HAT1: variants seen among roughly 807,000 people sequenced by gnomAD.
HAT1 encodes the protein histone acetyltransferase type B catalytic subunit.
Under a neutral mutation model 56.6 loss-of-function variants are expected in HAT1, and 20 were observed. The ratio of observed to expected loss-of-function variants is 0.35; its 90% CI spans 0.25 to 0.51. The LOEUF is 0.51. HAT1 is among the 20% of genes least tolerant of loss of function. The pLI, the probability that HAT1 is intolerant of heterozygous loss-of-function variation, is 0.95. For synonymous variants in HAT1, 146 were observed against 165.5 expected, an observed-to-expected ratio of 0.88 and a Z score of 0.91; for missense variants, 408 against 504.3, an observed-to-expected ratio of 0.81 and a Z score of 1.83.
chr2:171,944,925 G>A lies in HAT1; in HGVS notation c.113-1783G>A, dbSNP rs149431054. On this transcript the variant is annotated intron_variant, in intron 2 of 10. Coordinates refer to ENST00000264108, the MANE Select transcript of HAT1 (RefSeq NM_003642.4). ...CTCGCTCGATCACCCAGGCTGGAGC[G>A]CAGTGGCACAATCTCAGCTCAATGC... Among the ~76,000 whole-genome samples the A allele has an allele frequency of 3.9e-4, 59 of 152,210 alleles. 3 individuals are homozygous for A. Among genetic ancestry groups the A allele is most frequent in the African/African-American group, 1.4e-3 (58 of 41,528 alleles).
chr2:171,956,035 ACT>A (rs1462778652), intron 4 of HAT1, among the ~76,000 whole-genome samples: 1 of 151,322 alleles, frequency 6.6e-6, no homozygotes, highest in Non-Finnish European at 1.5e-5. Context: ...ACAGAGCGAG[ACT>A]CTGTCTCAAA....
Position 171,924,931 on chromosome 2 carries a change from A to G in HAT1, c.8-606A>G, listed in dbSNP as rs578142853. ...ACTTAGGTATAAATCCTAGCAGGTA[A>G]TTTGTATTAGTACATGTTCAGAAAT... On this transcript the variant is annotated intron_variant, in intron 1 of 10. Transcript: ENST00000264108. The G allele has an allele frequency of 2.0e-5, 3 of 152,282 alleles. No individual in the cohort carries two copies. The East Asian group carries it at 5.8e-4, about 29-fold the overall frequency. 9.4% of individuals were successfully genotyped at this position (152,282 alleles called of 1,614,324 possible). A position where few individuals can be genotyped will look rare whatever the true frequency, so the allele number is the denominator to read the frequency against.
intron 2 of HAT1, among the ~76,000 whole-genome samples, chr2:171,926,376 C>T (rs1400268716): frequency 1.3e-5 from 2 of 152,234 alleles, no homozygotes. Flanking sequence ...TCACTGCAAC[C>T]TCCACCTCCT....
chr2:171,969,702 C>T (rs1209350155), intron 8 of HAT1, among the ~76,000 whole-genome samples: 1 of 152,128 alleles, frequency 6.6e-6, no homozygotes, highest in Non-Finnish European at 1.5e-5. Context: ...TATTATCAGT[C>T]ATAATGGCTT....
At chr2:171,934,267 G>T (rs1686812066) in intron 2 of HAT1, among the ~76,000 whole-genome samples, 1 of 152,190 alleles carries the variant, frequency 6.6e-6, no homozygotes, top group African/African-American at 2.4e-5. Flanking sequence ...ATCAGAGAAG[G>T]GGGAAATAAT....
chr2:171,969,827 C>T (rs1687770918), intron 8 of HAT1, among the ~76,000 whole-genome samples: 2 of 152,008 alleles, frequency 1.3e-5, no homozygotes, highest in African/African-American at 4.8e-5. Flanking sequence ...ATACCTATTT[C>T]CTAAACTTTT....
intron 4 of HAT1, among the ~76,000 whole-genome samples, chr2:171,961,891 GTT>G (rs61586009): frequency 9.0e-4 from 128 of 141,730 alleles, no homozygotes; most frequent in African/African-American, 3.0e-3. Flanking sequence ...TCTTTTGCTT[GTT>G]TTTTTTTTTT....
At position 171,966,965 on chromosome 2, in the gene HAT1, T is replaced by C. The variant is rs902623729; in HGVS notation, c.823+16T>C. 24 of 1,057,356 alleles carry C rather than the reference T, an allele frequency of 2.3e-5. No homozygotes were observed. The highest frequency in any genetic ancestry group is 3.2e-5 in the Non-Finnish European group (22 of 690,196). 65.5% of individuals were successfully genotyped at this position (1,057,356 alleles called of 1,614,324 possible). On this transcript the variant is annotated intron_variant, in intron 8 of 10. Coordinates refer to ENST00000264108, the MANE Select transcript of HAT1 (RefSeq NM_003642.4). ...GATATTACAGGTATGTAAAATTTGA[T>C]TTGTTACTGAAAGAGCCTTTCTAAA...
rs183469854 is a variant in HAT1 at position 171,963,794 on chromosome 2, G to A, written c.310-1544G>A. Among the ~76,000 whole-genome samples the A allele has an allele frequency of 4.5e-4, 69 of 152,126 alleles. No homozygotes were observed. In the South Asian group the frequency reaches 5.0e-3, roughly 11 times the overall value. ...AATATGCTTACGATGGCCTCTTCAT[G>A]TTAGCAATTTCAAGGAAAAATATTT... is the stretch of plus-strand genomic sequence containing the variant. On this transcript the variant is annotated intron_variant, in intron 4 of 10. Coordinates refer to ENST00000264108, the MANE Select transcript of HAT1 (RefSeq NM_003642.4).
chr2:171,952,142 A>G (rs1346791378), intron 3 of HAT1, among the ~76,000 whole-genome samples: 1 of 152,206 alleles, frequency 6.6e-6, no homozygotes, highest in African/African-American at 2.4e-5. Flanking sequence ...AACACAGTCA[A>G]TTTTGGAACA....
intron 9 of HAT1, among the ~76,000 whole-genome samples, chr2:171,977,207 T>G (rs1224045272): frequency 6.8e-6 from 1 of 147,614 alleles, no homozygotes; most frequent in African/African-American, 2.5e-5. Context: ...CCGGGCGAGG[T>G]GGCTCACGCC....
At chr2:171,932,103 G>A (rs888488972) in intron 2 of HAT1, among the ~76,000 whole-genome samples, 8 of 152,232 alleles carry the variant, frequency 5.3e-5, no homozygotes, top group Admixed American at 3.3e-4. Context: ...TTCTGATAAT[G>A]TGGTGAATTA....
At chr2:171,956,066 C>T (rs561126581) in intron 4 of HAT1, among the ~76,000 whole-genome samples, 2 of 148,988 alleles carry the variant, frequency 1.3e-5, no homozygotes, top group East Asian at 2.0e-4. Context: ...GCCTCTGCTA[C>T]TGAGGAGAAT....
chr2:171,974,210 A>AAAAAAAAAAAAAAAAAAAAAATAAAAAG (rs1687905080), intron 8 of HAT1, among the ~76,000 whole-genome samples: 1 of 72,694 alleles, frequency 1.4e-5, no homozygotes, highest in African/African-American at 4.0e-5. Flanking sequence ...AGAAAAAGAA[A>AAAAAAAAAAAAAAAAAAAAAATAAAAAG]AAAAAAAAAA....
At chr2:171,942,628 A>G (rs1355256378) in intron 2 of HAT1, among the ~76,000 whole-genome samples, 2 of 152,148 alleles carry the variant, frequency 1.3e-5, no homozygotes, top group African/African-American at 2.4e-5. Context: ...CCTTATAAAG[A>G]CTTGAAAATA....
chr2:171,976,149 T>G lies in HAT1; in HGVS notation c.824-8T>G, dbSNP rs1379582888. ...AAATGTTAATATTATTCTGCTTTAT[T>G]TATTTAGCGGAAGATCCATCCAAAA... On this transcript the variant is annotated splice_polypyrimidine_tract_variant and splice_region_variant and intron_variant, in intron 8 of 10. Transcript: ENST00000264108. The G allele has an allele frequency of 5.5e-6, 8 of 1,457,548 alleles. No homozygotes were observed. Among genetic ancestry groups the G allele is most frequent in the Middle Eastern group, 3.5e-4 (2 of 5,690 alleles). The allele number at this position is 1,457,548 out of a possible 1,614,324, so 90.3% of individuals were successfully genotyped here. A position where few individuals can be genotyped will look rare whatever the true frequency, so the allele number is the denominator to read the frequency against.
chr2:171,980,226 A>G (rs1387229505), intron 10 of HAT1: 1 of 152,020 alleles, frequency 6.6e-6, no homozygotes, highest in Non-Finnish European at 1.5e-5. Context: ...CTAACAAATT[A>G]TGTTGTTTTT....
At chr2:171,945,496 T>C (rs977835570) in intron 2 of HAT1, among the ~76,000 whole-genome samples, 2 of 120,036 alleles carry the variant, frequency 1.7e-5, no homozygotes, top group Non-Finnish European at 3.4e-5. Flanking sequence ...TAGCTATCTA[T>C]AATTTTTTTT....
At chr2:171,941,856 C>T (rs1687027200) in intron 2 of HAT1, among the ~76,000 whole-genome samples, 2 of 152,166 alleles carry the variant, frequency 1.3e-5, no homozygotes, top group Admixed American at 1.3e-4. Context: ...TTTAGTATTC[C>T]AGGCCCTGAG....
Sources: allele counts gnomAD v4.1 joint callset (sites outside exome capture counted in the v4.1 genomes callset), GRCh38; gene constraint gnomAD v4.1.1; transcripts MANE v1.5; gene names NCBI Gene and HGNC (gene_info 2026-07-23, HGNC 2026-07-21).